COL26A1: variants seen among roughly 807,000 people sequenced by gnomAD.
The protein encoded by COL26A1 is collagen alpha-1(XXVI) chain.
COL26A1 carries 41 observed loss-of-function variants against 59.3 expected under a neutral mutation model. That is an observed-to-expected ratio of 0.69 (90% CI 0.54 to 0.90). The LOEUF (loss-of-function observed/expected upper bound fraction) is 0.90, where lower values mean the gene tolerates loss of function less well. Ranked by LOEUF, COL26A1 falls within the 40% of genes least tolerant of loss-of-function variation. The pLI is 0.00. For missense variants in COL26A1, 612 were observed against 602.3 expected, an observed-to-expected ratio of 1.02 and a Z score of -0.17; for synonymous variants, 266 against 256.0, an observed-to-expected ratio of 1.04 and a Z score of -0.37.
intron 3 of COL26A1, among the ~76,000 whole-genome samples, chr7:101,466,100 T>G (rs1793752634): frequency 6.6e-6 from 1 of 152,032 alleles, no homozygotes; most frequent in African/African-American, 2.4e-5. Flanking sequence ...GCCAAGCAAT[T>G]CTATATCCCT....
At position 101,557,590 on chromosome 7, in the gene COL26A1, C is replaced by G. The variant is rs902122696; in HGVS notation, c.*60C>G. 4.0e-6 allele frequency: 6 copies of G among 1,508,030 alleles called. No individual in the cohort carries two copies. The highest frequency in any genetic ancestry group is 5.4e-6 in the Non-Finnish European group (6 of 1,119,424). The allele number at this position is 1,508,030 out of a possible 1,614,324, so 93.4% of individuals were successfully genotyped here. On this transcript the variant is annotated 3_prime_UTR_variant, in exon 13 of 13. Transcript: ENST00000313669. ...GAGACCCAGCCCCAGAGGCCTGAGC[C>G]GCCGCTGTTTCCTAAAGATGCCCCC...
intron 3 of COL26A1, among the ~76,000 whole-genome samples, chr7:101,487,967 A>G (rs6953667): frequency 0.41 from 62,800 of 151,826 alleles, 13,728 homozygotes; most frequent in African/African-American, 0.55. Flanking sequence ...TTTTACATTG[A>G]AGGCTTTAAA....
At chr7:101,534,035 A>G (rs1380455452) in intron 4 of COL26A1, among the ~76,000 whole-genome samples, 1 of 152,226 alleles carries the variant, frequency 6.6e-6, no homozygotes, top group Non-Finnish European at 1.5e-5. Context: ...CTTGGTAAGC[A>G]GGCTCTGGTG....
At chr7:101,557,336 C>G (rs763500641) in intron 12 of COL26A1, 34 bp from the exon 13 acceptor site, 3 of 1,593,488 alleles carry the variant, frequency 1.9e-6, no homozygotes, top group Non-Finnish European at 2.6e-6. Flanking sequence ...TCCTAAGGCT[C>G]TACCTCGAGT....
intron 1 of COL26A1, among the ~76,000 whole-genome samples, chr7:101,412,109 A>G (rs1792254733): frequency 1.3e-5 from 2 of 152,058 alleles, no homozygotes; most frequent in South Asian, 4.2e-4. Context: ...GTGAGGTAGG[A>G]GGTGGAACTT....
intron 1 of COL26A1, among the ~76,000 whole-genome samples, chr7:101,385,227 C>CT (rs1375842083): frequency 0.051 from 7,036 of 139,256 alleles, 342 homozygotes; most frequent in African/African-American, 0.13. Context: ...CACACACACA[C>CT]ACACTATATA....
At chr7:101,524,047 A>C (rs958906313) in intron 3 of COL26A1, among the ~76,000 whole-genome samples, 7 of 152,096 alleles carry the variant, frequency 4.6e-5, no homozygotes, top group African/African-American at 1.7e-4. Context: ...AAGTGGGCGG[A>C]TCACTTTAGG....
rs147070611 is a variant in COL26A1, at chr7:101,488,010, C to T, written c.385+40223C>T. ...TGATTAGGCTGGGCGCAGTGGCTCA[C>T]GCCTATAATCCCAGGACTTTGGAAG... On this transcript the variant is annotated intron_variant, in intron 3 of 12. Coordinates refer to ENST00000313669, the MANE Select transcript of COL26A1 (RefSeq NM_001278563.3). 3.6e-3 allele frequency among the ~76,000 whole-genome samples: 542 copies of T among 152,130 alleles called. 3 individuals are homozygous for T. Among genetic ancestry groups the T allele is most frequent in the African/African-American group, 0.012 (498 of 41,522 alleles).
intron 3 of COL26A1, among the ~76,000 whole-genome samples, chr7:101,505,216 CTGTGAT>C (rs1794782741): frequency 6.6e-6 from 1 of 151,222 alleles, no homozygotes; most frequent in African/African-American, 2.4e-5. Context: ...TGAGCACTCT[CTGTGAT>C]TGTGCAGAAG....
intron 4 of COL26A1, among the ~76,000 whole-genome samples, chr7:101,538,901 C>G (rs1323296453): frequency 1.3e-5 from 2 of 152,250 alleles, no homozygotes; most frequent in Non-Finnish European, 2.9e-5. Context: ...CCCAGCAGGT[C>G]CTTCACGCCC....
chr7:101,535,227 CAT>C (rs1795457324), intron 4 of COL26A1, among the ~76,000 whole-genome samples: 1 of 152,146 alleles, frequency 6.6e-6, no homozygotes, highest in South Asian at 2.1e-4. Context: ...AATGTTTCCA[CAT>C]GGGCTGAGCC....
At chr7:101,387,768 A>ATTTT (rs1194001209) in intron 1 of COL26A1, among the ~76,000 whole-genome samples, 4 of 36,488 alleles carry the variant, frequency 1.1e-4, no homozygotes, top group African/African-American at 2.2e-4. Flanking sequence ...ATATATATAT[A>ATTTT]TATATATATA....
At chr7:101,553,686 G>A (rs1795908101) in intron 11 of COL26A1, among the ~76,000 whole-genome samples, 1 of 152,182 alleles carries the variant, frequency 6.6e-6, no homozygotes, top group African/African-American at 2.4e-5. Context: ...CAGTCTCCCT[G>A]GAGGAGGCGT....
chr7:101,505,180 A>G (rs1438870414), intron 3 of COL26A1, among the ~76,000 whole-genome samples: 2 of 114,598 alleles, frequency 1.7e-5, no homozygotes, highest in African/African-American at 6.6e-5. Context: ...GTGTAGATCC[A>G]TGTTGGGTGG....
At chr7:101,424,235 T>C (rs1792590390) in intron 2 of COL26A1, among the ~76,000 whole-genome samples, 1 of 151,898 alleles carries the variant, frequency 6.6e-6, no homozygotes, top group South Asian at 2.1e-4. Flanking sequence ...TAAAACTTAA[T>C]TTTCATTCTC....
At chr7:101,415,627 T>C (rs766482411) in intron 1 of COL26A1, among the ~76,000 whole-genome samples, 17 of 151,872 alleles carry the variant, frequency 1.1e-4, no homozygotes, top group Non-Finnish European at 2.2e-4. Flanking sequence ...TTCCATGTTT[T>C]TGTTTTGTTT....
Position 101,557,813 on chromosome 7 carries a change from A to C in COL26A1, c.*283A>C. ...GGTGCTGGGAATGAGAATAATCCTA[A>C]TACCCATCATTTATTGAGTCCCTGC... On this transcript the variant is annotated 3_prime_UTR_variant, in exon 13 of 13. Transcript: ENST00000313669. 1 of 341,850 alleles carries C rather than the reference A, an allele frequency of 2.9e-6. No homozygotes were observed. Among genetic ancestry groups the C allele is most frequent in the Non-Finnish European group, 5.3e-6 (1 of 188,140 alleles). 21.2% of individuals were successfully genotyped at this position (341,850 alleles called of 1,614,324 possible).
chr7:101,441,026 C>T (rs186390771), intron 2 of COL26A1, among the ~76,000 whole-genome samples: 2 of 151,930 alleles, frequency 1.3e-5, no homozygotes, highest in Admixed American at 6.6e-5. Context: ...AGAGCATCTC[C>T]AGAGGGATGA....
chr7:101,456,670 T>A (rs13242264), intron 3 of COL26A1, among the ~76,000 whole-genome samples: 63,100 of 147,662 alleles, frequency 0.43, 13,873 homozygotes, highest in Middle Eastern at 0.53. Context: ...TCTCAAAAAA[T>A]TATATATATA....
Sources: gnomAD v4.1 joint callset for allele counts (sites outside exome capture counted in the v4.1 genomes callset) on GRCh38, gnomAD v4.1.1 for gene constraint, MANE v1.5 for transcripts, NCBI Gene and HGNC (gene_info 2026-07-23, HGNC 2026-07-21) for gene names.